TRHDE: variants seen among roughly 807,000 people sequenced by gnomAD.
TRHDE encodes thyrotropin releasing hormone degrading enzyme, also known as thyrotropin-releasing hormone-degrading ectoenzyme.
Under a neutral mutation model 125.7 loss-of-function variants are expected in TRHDE, and 72 were observed. The observed-to-expected ratio is 0.57, with a 90% CI of 0.47 to 0.70. The LOEUF is 0.70. Among genes scored for constraint, TRHDE ranks in the 30% least tolerant of loss-of-function variants. The probability of loss-of-function intolerance (pLI) is 0.00; values close to 1 mark genes in which losing one functional copy is unlikely to be tolerated. For missense variants in TRHDE, 1,110 were observed against 1,327.1 expected, an observed-to-expected ratio of 0.84 and a Z score of 2.54; for synonymous variants, 509 against 509.1, an observed-to-expected ratio of 1.00 and a Z score of 0.00.
At chr12:72,465,564 C>T (rs1024017140) in intron 3 of TRHDE, among the ~76,000 whole-genome samples, 4 of 152,022 alleles carry the variant, frequency 2.6e-5, no homozygotes, top group Non-Finnish European at 5.9e-5. Flanking sequence ...CTTTTTATTG[C>T]TGAGTAGTAT....
At chr12:72,195,686 T>G (rs1051675653) in intron 2 of TRHDE, among the ~76,000 whole-genome samples, 7 of 152,272 alleles carry the variant, frequency 4.6e-5, no homozygotes, top group African/African-American at 1.7e-4. Flanking sequence ...CTGTTTACTC[T>G]GTCAATAGTT....
At chr12:72,259,061 C>T (rs550110685) in intron 2 of TRHDE, among the ~76,000 whole-genome samples, 1 of 152,126 alleles carries the variant, frequency 6.6e-6, no homozygotes, top group Non-Finnish European at 1.5e-5. Flanking sequence ...CTTTGAAACT[C>T]TGTAAAATTC....
intron 6 of TRHDE, among the ~76,000 whole-genome samples, chr12:72,528,125 T>C (rs1268814977): frequency 1.3e-5 from 2 of 152,202 alleles, no homozygotes; most frequent in Non-Finnish European, 2.9e-5. Flanking sequence ...TAGATGGAAA[T>C]TGGGAAAGTA....
At chr12:72,381,769 T>C (rs1446359049) in intron 3 of TRHDE, among the ~76,000 whole-genome samples, 11 of 152,198 alleles carry the variant, frequency 7.2e-5, no homozygotes, top group Non-Finnish European at 1.5e-4. Context: ...CCAAGACTTT[T>C]GGCCTGAGAA....
chr12:72,364,344 T>C (rs1005088882), intron 2 of TRHDE, among the ~76,000 whole-genome samples: 2 of 152,204 alleles, frequency 1.3e-5, no homozygotes, highest in Middle Eastern at 3.4e-3. Context: ...CTTTATATTT[T>C]TCCTCGAATA....
At chr12:72,133,431 A>C (rs1875909242) in intron 2 of TRHDE, among the ~76,000 whole-genome samples, 1 of 152,186 alleles carries the variant, frequency 6.6e-6, no homozygotes, top group African/African-American at 2.4e-5. Flanking sequence ...GATTACAAGA[A>C]GAGCAGGTTT....
chr12:72,320,402 T>C (rs1397695016), intron 2 of TRHDE, among the ~76,000 whole-genome samples: 2 of 152,160 alleles, frequency 1.3e-5, no homozygotes, highest in East Asian at 3.8e-4. Flanking sequence ...GTTGTTACAG[T>C]GTATTGTTTA....
intron 12 of TRHDE, among the ~76,000 whole-genome samples, chr12:72,605,271 A>G (rs1872389869): frequency 6.6e-6 from 1 of 152,272 alleles, no homozygotes; most frequent in African/African-American, 2.4e-5. Flanking sequence ...TAAGTATTAA[A>G]AATTTCCTTA....
intron 3 of TRHDE, among the ~76,000 whole-genome samples, chr12:72,412,061 A>G (rs562532462): frequency 1.3e-5 from 2 of 152,290 alleles, no homozygotes; most frequent in Admixed American, 1.3e-4. Context: ...AAGGTAGGAA[A>G]GTCTTTCTTA....
At chr12:72,492,518 A>G (rs1214582345) in intron 5 of TRHDE, among the ~76,000 whole-genome samples, 2 of 151,878 alleles carry the variant, frequency 1.3e-5, no homozygotes, top group South Asian at 2.1e-4. Context: ...CAGGGATACT[A>G]TTTCACATGG....
chr12:72,661,282 G>C (rs749972829), intron 18 of TRHDE, among the ~76,000 whole-genome samples: 1 of 152,090 alleles, frequency 6.6e-6, no homozygotes, highest in African/African-American at 2.4e-5. Flanking sequence ...TACTTTATGT[G>C]TTTAGGCTGG....
intron 5 of TRHDE, among the ~76,000 whole-genome samples, chr12:72,491,160 A>T (rs748606306): frequency 2.0e-5 from 3 of 151,980 alleles, no homozygotes; most frequent in Non-Finnish European, 4.4e-5. Flanking sequence ...TTAAGCAACT[A>T]AAAAAGAAAT....
At chr12:72,512,929 T>C (rs183677257) in intron 6 of TRHDE, among the ~76,000 whole-genome samples, 2 of 151,890 alleles carry the variant, frequency 1.3e-5, no homozygotes, top group East Asian at 3.9e-4. Context: ...TTGAAGGAGG[T>C]TGAACTGAAT....
intron 3 of TRHDE, among the ~76,000 whole-genome samples, chr12:72,382,799 A>G (rs1250679871): frequency 6.6e-6 from 1 of 151,980 alleles, no homozygotes. Flanking sequence ...TCTGTCATAA[A>G]CTCTACAATA....
At chr12:72,097,637 G>T (rs902222269) in intron 1 of TRHDE, among the ~76,000 whole-genome samples, 24 of 151,960 alleles carry the variant, frequency 1.6e-4, no homozygotes, top group African/African-American at 5.6e-4. Context: ...TTTTTGTAGA[G>T]ACAAGGTCTT....
chr12:72,501,891 A>G (rs1484966932), intron 6 of TRHDE, among the ~76,000 whole-genome samples: 3 of 152,048 alleles, frequency 2.0e-5, no homozygotes, highest in Non-Finnish European at 1.5e-5. Context: ...TTTTAATGCG[A>G]GCATTGGTAG....
chr12:72,635,324 C>T (rs1873688944), intron 15 of TRHDE, among the ~76,000 whole-genome samples: 2 of 152,052 alleles, frequency 1.3e-5, no homozygotes, highest in Non-Finnish European at 1.5e-5. Flanking sequence ...CTGTTCATGT[C>T]CTTTGCCTAC....
intron 12 of TRHDE, among the ~76,000 whole-genome samples, chr12:72,577,917 C>T (rs1027093876): frequency 2.0e-5 from 3 of 151,880 alleles, no homozygotes; most frequent in Non-Finnish European, 4.4e-5. Context: ...TTTTATTGCT[C>T]AAGAGATAAT....
At position 72,499,593 on chromosome 12, in the gene TRHDE, A is replaced by G. The variant is rs139695499; in HGVS notation, c.1680A>G (p.Ala560=). 177 of 1,613,904 alleles carry G rather than the reference A, an allele frequency of 1.1e-4. No individual in the cohort carries two copies. The African/African-American group carries it at 2.2e-3, about 20-fold the overall frequency. Residue 560 remains alanine (A), a synonymous_variant, in exon 6 of 19, where the codon GCA becomes GCG. Transcript: ENST00000261180. The part of the protein sequence containing the change: ...SHPVSQEVLQ[A]TDIDRVFDWI... ...CAGTATCACAGGAAGTGCTGCAGGC[A>G]ACAGATATTGACAGGGTGTTTGACT...
Sources: gnomAD v4.1 joint callset for allele counts (sites outside exome capture counted in the v4.1 genomes callset) on GRCh38, gnomAD v4.1.1 for gene constraint, MANE v1.5 for transcripts, NCBI Gene and HGNC (gene_info 2026-07-23, HGNC 2026-07-21) for gene names.